The following PRPF6 variants were observed in gnomAD, a reference collection of about 807,000 sequenced individuals.
PRPF6 encodes pre-mRNA processing factor 6.
In PRPF6, 42 loss-of-function variants were observed where a neutral mutation model predicts 118.3. That is an observed-to-expected ratio of 0.35 (90% CI 0.28 to 0.46). PRPF6 has a LOEUF of 0.46. Ranked by LOEUF, PRPF6 falls within the 20% of genes least tolerant of loss-of-function variation. The pLI is 1.00. For synonymous variants in PRPF6, 481 were observed against 485.1 expected (o/e 0.99, Z 0.11); for missense variants, 662 against 1,255.7 (o/e 0.53, Z 7.15).
intron 9 of PRPF6, among the ~76,000 whole-genome samples, chr20:64,003,596 C>CTTATTTTT (rs1218871658): frequency 5.9e-5 from 9 of 152,032 alleles, no homozygotes; most frequent in African/African-American, 1.9e-4. Flanking sequence ...GAGACAGCCT[C>CTTATTTTT]TTTTATTTTT....
rs2427592 is a variant in PRPF6 at position 64,011,805 on chromosome 20, T to C, written c.1524+302T>C. On this transcript the variant is annotated intron_variant, in intron 11 of 20. Transcript: ENST00000266079. This position sits in a 1 kb window ranked among gnomAD's most constrained non-coding sequence, Gnocchi z 6.7. The stretch of plus-strand genomic sequence containing the variant: ...TACGAGAGGAGGACAGGAAGTCTCA[T>C]GGCTTCTTTCTTTGCTAGTAGAAAT... Among the ~76,000 whole-genome samples, 7,757 of 63,512 alleles carry C rather than the reference T, an allele frequency of 0.12. 387 individuals carry two copies. Among genetic ancestry groups the C allele is most frequent in the African/African-American group, 0.2 (2,980 of 14,914 alleles). The allele number at this position is 63,512 out of a possible 152,430, so 41.7% of individuals were successfully genotyped here.
Position 64,001,074 on chromosome 20 carries a change from C to T in PRPF6, c.1024-3C>T. The T allele has an allele frequency of 6.2e-7, 1 of 1,614,016 alleles. No individual in the cohort carries two copies. The highest frequency in any genetic ancestry group is 8.5e-7 in the Non-Finnish European group (1 of 1,180,004). On this transcript the variant is annotated splice_region_variant and splice_polypyrimidine_tract_variant and intron_variant, in intron 8 of 20. Transcript: ENST00000266079. ...CTTATTGGTCTTATCTCTTGCCTCA[C>T]AGAGTGAAGATGTCTGGCTGGAAGC...
rs754417432 is a variant in PRPF6 at position 64,032,002 on chromosome 20, C to G, written c.2631C>G (p.Ala877=). The G allele has an allele frequency of 6.2e-7, 1 of 1,614,170 alleles. No individual in the cohort carries two copies. Among genetic ancestry groups the G allele is most frequent in the South Asian group, 1.1e-5 (1 of 91,090 alleles). ...AGATTGACTCGGACCTGGGGGATGC[C>G]TGGGCCTTCTTCTACAAGTTTGAGC... ...TVKIDSDLGD[A]WAFFYKFELQ... Residue 877 remains alanine, a synonymous_variant, in exon 20 of 21, where the codon GCC becomes GCG. Transcript: ENST00000266079.
In PRPF6 at chr20:64,026,486, G is replaced by A. The variant is rs141046050; in HGVS notation, c.2028+428G>A. Among the ~76,000 whole-genome samples the A allele has an allele frequency of 0.019, 2,680 of 143,924 alleles. 27 individuals are homozygous for A. The highest frequency in any genetic ancestry group is 0.03 in the Non-Finnish European group (1,981 of 65,760). 94.4% of individuals were successfully genotyped at this position (143,924 alleles called of 152,430 possible). On this transcript the variant is annotated intron_variant, in intron 15 of 20. Transcript: ENST00000266079. The surrounding 1 kb of genome is among the most constrained non-coding windows in gnomAD (Gnocchi z 4.4). The stretch of plus-strand genomic sequence containing the variant: ...GCGCCACTGCACTCCAGCCTGGGCA[G>A]CAAGAGGGAAACTGTCTCAGCAACA...
chr20:64,016,320 G>A (rs757474249), intron 11 of PRPF6, among the ~76,000 whole-genome samples: 2 of 151,880 alleles, frequency 1.3e-5, no homozygotes, highest in Non-Finnish European at 2.9e-5. Flanking sequence ...GTAGAGACAG[G>A]GTTTCACCAG....
chr20:63,981,362 A>G (rs1170901341), intron 1 of PRPF6, 46 bp downstream of exon 1: 22 of 1,529,992 alleles, frequency 1.4e-5, no homozygotes, highest in Non-Finnish European at 1.9e-5. Flanking sequence ...CGGCTACAGG[A>G]GCGCAGTGCT....
intron 3 of PRPF6, among the ~76,000 whole-genome samples, chr20:63,990,286 T>C (rs1172343112): frequency 6.6e-6 from 1 of 152,108 alleles, no homozygotes; most frequent in East Asian, 1.9e-4. Flanking sequence ...ACATTGGGAA[T>C]TATAATTCAG....
intron 4 of PRPF6, 130 bp from the exon 5 acceptor site, chr20:63,994,785 AC>A: frequency 8.4e-7 from 1 of 1,192,942 alleles, no homozygotes; most frequent in South Asian, 1.4e-5. Flanking sequence ...AAAGTAAAAA[AC>A]AGTTGCTGCA....
At chr20:64,016,879 T>G (rs763259076) in intron 12 of PRPF6, 34 bp downstream of exon 12, 167 of 1,613,528 alleles carry the variant, frequency 1.0e-4, no homozygotes, top group Non-Finnish European at 1.4e-4. Flanking sequence ...GTCCGTAATA[T>G]GGAGTCTCTG....
Position 64,027,693 on chromosome 20 carries a change from T to A in PRPF6, c.2296T>A (p.Leu766Met). The change falls in exon 17 of 21, where the codon TTG (leucine) becomes ATG (methionine). Residue 766 changes from leucine (L) to methionine (M), a missense_variant. By Grantham distance (15) the Leu-to-Met change is conservative (BLOSUM62 2). Around this residue, in one of 10 missense-constraint regions of PRPF6, gnomAD observed 244 missense variants for 383.7 expected, o/e 0.64. Coordinates refer to ENST00000266079, the MANE Select transcript of PRPF6 (RefSeq NM_012469.4). This position sits in a 1 kb window ranked among gnomAD's most constrained non-coding sequence, Gnocchi z 6.5. ...GCAGCTTACTCGAGCACGGGCCATT[T>A]TGGAAAAGTCTCGTCTGAAGAACCC... ...IGQLTRARAILEKSRLKNPKN... is the reference protein window; with the variant it reads ...IGQLTRARAIMEKSRLKNPKN... 1 of 1,614,032 alleles carries A rather than the reference T, an allele frequency of 6.2e-7. No homozygotes were observed. Among genetic ancestry groups the A allele is most frequent in the Non-Finnish European group, 8.5e-7 (1 of 1,180,030 alleles).
At position 64,011,556 on chromosome 20, in the gene PRPF6, C is replaced by T. The variant is rs2059217397; in HGVS notation, c.1524+53C>T. On this transcript the variant is annotated intron_variant, in intron 11 of 20. Transcript: ENST00000266079. This position sits in a 1 kb window ranked among gnomAD's most constrained non-coding sequence, Gnocchi z 6.7. ...CTGCTTTAACAGTGCACATGCAGCACGTGAGAGTCCCACGCAGGACTGGGG... is the reference window on the plus strand; with the variant it reads ...CTGCTTTAACAGTGCACATGCAGCATGTGAGAGTCCCACGCAGGACTGGGG... The T allele has an allele frequency of 4.5e-6, 7 of 1,547,370 alleles. No homozygotes were observed. Among genetic ancestry groups the T allele is most frequent in the East Asian group, 2.4e-5 (1 of 41,950 alleles).
chr20:64,000,686 A>T (rs989334928), intron 8 of PRPF6, among the ~76,000 whole-genome samples: 4 of 151,142 alleles, frequency 2.6e-5, no homozygotes, highest in South Asian at 2.1e-4. Context: ...CTCCTGCCTC[A>T]GCCTCCTGAG....
chr20:64,016,477 A>G (rs1198394883), intron 11 of PRPF6, among the ~76,000 whole-genome samples: 2 of 152,026 alleles, frequency 1.3e-5, no homozygotes, highest in East Asian at 3.9e-4. Context: ...TTCTTTTCAC[A>G]TGTTTGAAAG....
intron 9 of PRPF6, among the ~76,000 whole-genome samples, chr20:64,009,914 C>T (rs1354873600): frequency 6.6e-6 from 1 of 152,158 alleles, no homozygotes. Context: ...TTTTGTTCAG[C>T]ATGTTTTTGA....
rs147035256 is a variant in PRPF6 at position 63,995,350 on chromosome 20, C to T, written c.639C>T (p.Pro213=). 3.7e-6 allele frequency: 6 copies of T among 1,613,276 alleles called. No individual in the cohort carries two copies. In the African/African-American group the frequency reaches 4.0e-5, roughly 11 times the overall value. The stretch of plus-strand genomic sequence containing the variant: ...AGCAATTTGGAGGTCTTAACACACC[C>T]TATCCAGGTGGACTAAACACTCCAT... ...RQTQFGGLNT[P]YPGGLNTPYP... Residue 213 remains proline, a synonymous_variant, in exon 6 of 21, where the codon CCC becomes CCT. Transcript: ENST00000266079.
chr20:64,023,600 C>G (rs1226764387), intron 13 of PRPF6, among the ~76,000 whole-genome samples: 2 of 147,420 alleles, frequency 1.4e-5, no homozygotes, highest in East Asian at 3.9e-4. Context: ...ATCTCAGCCT[C>G]TTCAGGGTGT....
chr20:64,021,818 C>T (rs538273209), intron 12 of PRPF6, among the ~76,000 whole-genome samples: 1 of 146,008 alleles, frequency 6.8e-6, no homozygotes, highest in African/African-American at 2.6e-5. Flanking sequence ...GCATATGCCT[C>T]GGCCACAGCC....
At chr20:63,981,442 C>G in intron 1 of PRPF6, 126 bp downstream of exon 1, 1 of 948,720 alleles carries the variant, frequency 1.1e-6, no homozygotes, top group Non-Finnish European at 1.6e-6. Flanking sequence ...TCGGCTTAAT[C>G]CCTGCAGGAA....
chr20:63,981,491 C>A (rs1284707526), intron 1 of PRPF6, among the ~76,000 whole-genome samples, 175 bp downstream of exon 1: 2 of 152,220 alleles, frequency 1.3e-5, no homozygotes, highest in Non-Finnish European at 2.9e-5. Flanking sequence ...TGTGTGTGCA[C>A]CCTGCTTGCC....
Sources: allele counts gnomAD v4.1 joint callset (sites outside exome capture counted in the v4.1 genomes callset), GRCh38; gene constraint gnomAD v4.1.1; regional missense constraint gnomAD v4.1.1; non-coding constraint Gnocchi (gnomAD v3.1); transcripts MANE v1.5; gene names NCBI Gene and HGNC (gene_info 2026-07-23, HGNC 2026-07-21).